KYNU: variants seen among roughly 807,000 people sequenced by gnomAD.
The protein encoded by KYNU is kynureninase.
KYNU carries 54 observed loss-of-function variants against 59.2 expected under a neutral mutation model. The observed-to-expected ratio is 0.91, with a 90% CI of 0.73 to 1.14. The LOEUF (loss-of-function observed/expected upper bound fraction) is 1.14. Ranked by LOEUF, KYNU falls within the 50% of genes most tolerant of loss-of-function variation. KYNU has a pLI of 0.00. For missense variants in KYNU, 567 were observed against 554.4 expected (o/e 1.02, Z -0.23); for synonymous variants, 177 against 192.0 (o/e 0.92, Z 0.65).
At chr2:142,931,092 G>A (rs1301447163) in intron 4 of KYNU, among the ~76,000 whole-genome samples, 2 of 152,200 alleles carry the variant, frequency 1.3e-5, no homozygotes, top group Non-Finnish European at 2.9e-5. Context: ...TCCGGCCAGG[G>A]TAGCTGTCTT....
At chr2:142,966,937 T>C (rs181744362) in intron 8 of KYNU, among the ~76,000 whole-genome samples, 402 of 151,990 alleles carry the variant, frequency 2.6e-3, no homozygotes, top group African/African-American at 8.7e-3. Context: ...ATCCAGAATT[T>C]TTTATTAAAG....
At position 143,042,630 on chromosome 2, in the gene KYNU, A is replaced by ATGTGTGTGTGTGTG. The variant is rs1199910652; in HGVS notation, c.*464_*477dup. ...TATATATATATATATATATATATATATGTGTGTGTGTGTGTGTGTATATAT... is the reference window on the plus strand; with the variant it reads ...TATATATATATATATATATATATATATGTGTGTGTGTGTGTGTGTGTGTGTGTGTGTGTATATAT... On this transcript the variant is annotated 3_prime_UTR_variant, in exon 14 of 14. Coordinates refer to ENST00000264170, the MANE Select transcript of KYNU (RefSeq NM_003937.3). 2 of 118,122 alleles carry ATGTGTGTGTGTGTG rather than the reference A, an allele frequency of 1.7e-5. No individual in the cohort carries two copies. The highest frequency in any genetic ancestry group is 8.4e-5 in the African/African-American group (2 of 23,852). 7.3% of individuals were successfully genotyped at this position (118,122 alleles called of 1,614,324 possible).
chr2:142,919,480 C>A (rs1309737596), intron 3 of KYNU, among the ~76,000 whole-genome samples: 1 of 152,128 alleles, frequency 6.6e-6, no homozygotes, highest in Non-Finnish European at 1.5e-5. Context: ...GAAGATGAGC[C>A]AAACTTGACA....
chr2:142,947,870 A>G, intron 4 of KYNU: 1 of 152,216 alleles, frequency 6.6e-6, no homozygotes. Flanking sequence ...ATAGGCTGAA[A>G]AAAGCAGGGT....
At chr2:143,015,582 G>A (rs549365182) in intron 10 of KYNU, among the ~76,000 whole-genome samples, 11 of 152,094 alleles carry the variant, frequency 7.2e-5, no homozygotes, top group Non-Finnish European at 1.5e-4. Flanking sequence ...AATGCTAGAT[G>A]TAAGCTTGGA....
rs542383607 is a variant in KYNU, at chr2:143,043,874, C to T, written c.*1702C>T. The T allele has an allele frequency of 6.7e-6, 1 of 149,436 alleles. No homozygotes were observed. The highest frequency in any genetic ancestry group is 2.0e-4 in the East Asian group (1 of 5,098). 9.3% of individuals were successfully genotyped at this position (149,436 alleles called of 1,614,324 possible). ...TTTATACTTTAAGTTCTTGGATACA[C>T]GTGCAGAACATGCAGGTTTGTTACA... is the stretch of plus-strand genomic sequence containing the variant. On this transcript the variant is annotated 3_prime_UTR_variant, in exon 14 of 14. Coordinates refer to ENST00000264170, the MANE Select transcript of KYNU (RefSeq NM_003937.3).
chr2:142,948,305 G>A (rs1297361758), intron 4 of KYNU, among the ~76,000 whole-genome samples: 4 of 152,160 alleles, frequency 2.6e-5, no homozygotes, highest in Admixed American at 2.6e-4. Flanking sequence ...GAGAATTGGG[G>A]CCTTGCTCTG....
At chr2:143,026,012 T>C (rs1357730714) in intron 10 of KYNU, among the ~76,000 whole-genome samples, 1 of 152,210 alleles carries the variant, frequency 6.6e-6, no homozygotes, top group Non-Finnish European at 1.5e-5. Context: ...AAATTTGGAC[T>C]AATAAAGAGG....
In KYNU at chr2:143,055,641, A is replaced by AGGAG. The variant is rs1165727028; in HGVS notation, c.*13472_*13473insGGGA. The stretch of plus-strand genomic sequence containing the variant: ...ATTAGTCATCTTACCACAGGAAGGA[A>AGGAG]GGAAGGAAGGAAGGAAGGAAGGAAG... On this transcript the variant is annotated 3_prime_UTR_variant, in exon 14 of 14. Transcript: ENST00000264170. 3.4e-4 allele frequency: 46 copies of AGGAG among 135,124 alleles called. No homozygotes were observed. Among genetic ancestry groups the AGGAG allele is most frequent in the African/African-American group, 1.2e-3 (39 of 33,620 alleles). The allele number at this position is 135,124 out of a possible 1,614,324, so 8.4% of individuals were successfully genotyped here. A position where few individuals can be genotyped will look rare whatever the true frequency, so the allele number is the denominator to read the frequency against.
chr2:143,033,091 C>A, intron 11 of KYNU, 145 bp from the exon 12 acceptor site: 2 of 707,482 alleles, frequency 2.8e-6, no homozygotes, highest in Admixed American at 2.1e-5. Context: ...TATTTTAGTT[C>A]CATGGAGCTT....
At chr2:142,984,200 A>G (rs1206889974) in intron 8 of KYNU, among the ~76,000 whole-genome samples, 1 of 152,022 alleles carries the variant, frequency 6.6e-6, no homozygotes, top group Admixed American at 6.6e-5. Flanking sequence ...CATTCAGAAA[A>G]TATTGGTTCA....
chr2:142,919,711 A>C (rs558023307), intron 3 of KYNU, among the ~76,000 whole-genome samples: 1 of 152,236 alleles, frequency 6.6e-6, no homozygotes, highest in South Asian at 2.1e-4. Context: ...AGGTGGGCAG[A>C]TCACTTGAGG....
At chr2:142,964,160 A>G (rs1684450395) in intron 8 of KYNU, among the ~76,000 whole-genome samples, 1 of 151,968 alleles carries the variant, frequency 6.6e-6, no homozygotes, top group Non-Finnish European at 1.5e-5. Flanking sequence ...ATAGTATGAA[A>G]TAGATCACAG....
chr2:143,013,298 C>CTGTGTGTGTGTGTGTG lies in KYNU; in HGVS notation c.903-16323_903-16308dup, dbSNP rs71301735. Among the ~76,000 whole-genome samples the CTGTGTGTGTGTGTGTG allele has an allele frequency of 3.4e-3, 514 of 149,548 alleles. 7 individuals carry two copies. The East Asian group carries it at 0.039, about 11-fold the overall frequency. On this transcript the variant is annotated intron_variant, in intron 10 of 13. Transcript: ENST00000264170. ...TCTCTCTGTTTCTCTGTCTCTTTCTCTGTGTGTGTGTGTGTGTGTGTCCAT... is the reference window on the plus strand; with the variant it reads ...TCTCTCTGTTTCTCTGTCTCTTTCTCTGTGTGTGTGTGTGTGTGTGTGTGTGTGTGTGTGTGTCCAT...
intron 4 of KYNU, 137 bp downstream of exon 4, chr2:142,927,878 A>G (rs1573800116): frequency 3.1e-6 from 2 of 640,852 alleles, no homozygotes; most frequent in East Asian, 5.6e-5. Context: ...AGTAAAAAGG[A>G]AGTACACTTT....
At chr2:142,897,899 C>CATTT (rs1223506485) in intron 2 of KYNU, among the ~76,000 whole-genome samples, 29 of 152,106 alleles carry the variant, frequency 1.9e-4, no homozygotes, top group East Asian at 1.9e-4. Flanking sequence ...TCTCTATCTT[C>CATTT]ATTTATTTAT....
chr2:142,989,374 TA>T, intron 10 of KYNU: 2 of 997,338 alleles, frequency 2.0e-6, no homozygotes, highest in Non-Finnish European at 2.4e-6. Context: ...TTTTCACTGT[TA>T]AAGTGTCCAG....
chr2:143,005,901 C>A (rs1216913345), intron 10 of KYNU, among the ~76,000 whole-genome samples: 1 of 152,178 alleles, frequency 6.6e-6, no homozygotes, highest in Non-Finnish European at 1.5e-5. Context: ...GTACACATTG[C>A]TTCAGTTCAT....
chr2:142,969,606 T>C (rs1223274126), intron 8 of KYNU, among the ~76,000 whole-genome samples: 3 of 152,236 alleles, frequency 2.0e-5, no homozygotes, highest in African/African-American at 7.2e-5. Context: ...AATAGACCAT[T>C]TGAGAAATAA....
Sources: gnomAD v4.1 joint callset for allele counts (sites outside exome capture counted in the v4.1 genomes callset) on GRCh38, gnomAD v4.1.1 for gene constraint, MANE v1.5 for transcripts, NCBI Gene and HGNC (gene_info 2026-07-23, HGNC 2026-07-21) for gene names.